Variants in SERTAD4 observed in about 807,000 individuals in gnomAD.
SERTAD4 encodes the protein SERTA domain containing 4.
SERTAD4 carries 18 observed loss-of-function variants against 32.9 expected under a neutral mutation model. That is an observed-to-expected ratio of 0.55 (90% CI 0.38 to 0.81). The LOEUF is 0.81. Ranked by LOEUF, SERTAD4 falls within the 30% of genes least tolerant of loss-of-function variation. The probability of loss-of-function intolerance (pLI) is 0.00; values close to 1 mark genes in which losing one functional copy is unlikely to be tolerated. For synonymous variants in SERTAD4, 150 were observed against 156.4 expected (o/e 0.96, Z 0.30); for missense variants, 383 against 426.0 (o/e 0.90, Z 0.89).
In SERTAD4 at chr1:210,239,557, G is replaced by A. The variant is rs772181379; in HGVS notation, c.240G>A (p.Lys80=). The change falls in exon 3 of 4, where the codon AAG becomes AAA. Residue 80 remains lysine (K), a synonymous_variant. Transcript: ENST00000367012. ...TTSKITYFKR[K]YVEEEDFHPP... is the part of the protein sequence containing the mutation. ...CCAAGATCACATACTTTAAGAGGAA[G>A]TATGTGGAAGAAGAGGATTTTCACC... 5 of 1,609,304 alleles carry A rather than the reference G, an allele frequency of 3.1e-6. No individual in the cohort carries two copies. The highest frequency in any genetic ancestry group is 4.2e-6 in the Non-Finnish European group (5 of 1,177,932).
At chr1:210,233,890 GC>G (rs2083912405) in intron 1 of SERTAD4, 3 of 452,578 alleles carry the variant, frequency 6.6e-6, no homozygotes, top group African/African-American at 4.1e-5. Context: ...GAGCGCGGGG[GC>G]CCGGGCCAGC....
At chr1:210,233,972 G>A (rs1469854295) in intron 1 of SERTAD4, 7 of 376,034 alleles carry the variant, frequency 1.9e-5, no homozygotes, top group African/African-American at 5.0e-5. Context: ...ATTTCCCTTA[G>A]AAGGAAACTT....
At chr1:210,235,370 T>G (rs1394934643) in intron 1 of SERTAD4, among the ~76,000 whole-genome samples, 1 of 152,174 alleles carries the variant, frequency 6.6e-6, no homozygotes, top group African/African-American at 2.4e-5. Context: ...TTTGTTAACA[T>G]CCAGTGTAAG....
rs1490804672 is a variant in SERTAD4, at chr1:210,238,120, G to A, written c.160G>A (p.Gly54Ser). The A allele has an allele frequency of 1.2e-6, 2 of 1,607,024 alleles. No homozygotes were observed. Among genetic ancestry groups the A allele is most frequent in the African/African-American group, 1.3e-5 (1 of 74,458 alleles). The change falls in exon 2 of 4, where the codon GGT (glycine) becomes AGT (serine). Residue 54 changes from glycine to serine, a missense_variant. Physicochemically the swap from Gly to Ser is moderately conservative, Grantham distance 56. Transcript: ENST00000367012. Reference sequence around the variant, plus strand: ...TCCTTTGCAGGGAGACCGGGGAGCTGGTCCCCCACTGGCAGGTATTGCCCT... The same window carrying A: ...TCCTTTGCAGGGAGACCGGGGAGCTAGTCCCCCACTGGCAGGTATTGCCCT... The part of the protein sequence containing the change: ...QAPLQGDRGA[G>S]PPLAGSHYRG...
intron 3 of SERTAD4, among the ~76,000 whole-genome samples, chr1:210,239,914 T>C (rs994034162): frequency 2.0e-5 from 3 of 152,292 alleles, no homozygotes; most frequent in Non-Finnish European, 4.4e-5. Context: ...TTCCACACTT[T>C]TGTGTGTGGG....
At chr1:210,233,657 T>C (rs2083908563) in intron 1 of SERTAD4, 2 of 469,232 alleles carry the variant, frequency 4.3e-6, no homozygotes, top group South Asian at 3.1e-5. Context: ...CTGAGGCTGC[T>C]GCCCGCCTGG....
At chr1:210,240,266 T>G (rs2083981657) in intron 3 of SERTAD4, among the ~76,000 whole-genome samples, 1 of 152,188 alleles carries the variant, frequency 6.6e-6, no homozygotes, top group Non-Finnish European at 1.5e-5. Flanking sequence ...TCATTTTTCT[T>G]TAGAGTTACC....
downstream of SERTAD4, chr1:210,246,460 G>A: frequency 1.1e-5 from 6 of 541,264 alleles, no homozygotes; most frequent in Non-Finnish European, 1.4e-5. Flanking sequence ...AAAGATGTAA[G>A]TTATGAACAC....
chr1:210,234,269 C>T (rs2083918757), intron 1 of SERTAD4, among the ~76,000 whole-genome samples: 1 of 151,878 alleles, frequency 6.6e-6, no homozygotes, highest in African/African-American at 2.4e-5. Flanking sequence ...GCCCTCCAAA[C>T]CTCGGACCCC....
chr1:210,240,865 A>G (rs2083988146), intron 3 of SERTAD4, among the ~76,000 whole-genome samples: 2 of 152,224 alleles, frequency 1.3e-5, no homozygotes, highest in South Asian at 4.1e-4. Flanking sequence ...CAAAGGATTA[A>G]AAGAGGGACA....
In SERTAD4 at chr1:210,245,748, G is replaced by A. The variant is rs2084042947; in HGVS notation, c.*3411G>A. On this transcript the variant is annotated 3_prime_UTR_variant, in exon 4 of 4. Coordinates refer to ENST00000367012, the MANE Select transcript of SERTAD4 (RefSeq NM_019605.5). ...CAAGACATGGCTACCCACCCCTCCA[G>A]TTATGAACTTGTATTACAGCTCCAC... 1 of 958,630 alleles carries A rather than the reference G, an allele frequency of 1.0e-6. No individual in the cohort carries two copies. The highest frequency in any genetic ancestry group is 1.2e-6 in the Non-Finnish European group (1 of 805,778). The allele number at this position is 958,630 out of a possible 1,614,324, so 59.4% of individuals were successfully genotyped here.
At chr1:210,233,835 G>C (rs1177468641) in intron 1 of SERTAD4, 1 of 469,166 alleles carries the variant, frequency 2.1e-6, no homozygotes, top group Non-Finnish European at 4.4e-6. Flanking sequence ...GGGTTTGGCC[G>C]GCAAGGGAGG....
rs1428315131 is a variant in SERTAD4, at chr1:210,243,822, T to C, written c.*1485T>C. On this transcript the variant is annotated 3_prime_UTR_variant, in exon 4 of 4. Coordinates refer to ENST00000367012, the MANE Select transcript of SERTAD4 (RefSeq NM_019605.5). ...GAAATAAGTAAGCCCTCCCAGTTTCTCCAAGATAAAGCTTTTTTTATTATT... is the reference window on the plus strand; with the variant it reads ...GAAATAAGTAAGCCCTCCCAGTTTCCCCAAGATAAAGCTTTTTTTATTATT... The C allele has an allele frequency of 1.3e-5, 2 of 152,180 alleles. No homozygotes were observed. Among genetic ancestry groups the C allele is most frequent in the Non-Finnish European group, 2.9e-5 (2 of 68,042 alleles). 9.4% of individuals were successfully genotyped at this position (152,180 alleles called of 1,614,324 possible).
chr1:210,239,665 T>C (rs1347741302), intron 3 of SERTAD4, 57 bp downstream of exon 3: 3 of 976,534 alleles, frequency 3.1e-6, no homozygotes, highest in Non-Finnish European at 4.7e-6. Context: ...TTAGTAACAG[T>C]TGCTTGATCC....
downstream of SERTAD4, chr1:210,246,477 C>A (rs985192831): frequency 1.6e-5 from 11 of 672,320 alleles, no homozygotes; most frequent in African/African-American, 2.2e-4. Context: ...ACACTTGAAT[C>A]TCGCATCCTG....
At chr1:210,241,526 G>GT (rs67121079) in intron 3 of SERTAD4, 32 bp from the exon 4 acceptor site, 518,693 of 1,417,430 alleles carry the variant, frequency 0.37, 51,181 homozygotes, top group African/African-American at 0.61. Flanking sequence ...TTTTCTGTTT[G>GT]TTTTTTTCTT....
intron 1 of SERTAD4, chr1:210,233,603 G>GGGC (rs1364601953): frequency 1.3e-5 from 6 of 453,706 alleles, no homozygotes; most frequent in Non-Finnish European, 2.7e-5. Flanking sequence ...GCTGCGCTGC[G>GGGC]GGCGGCGGCG....
At chr1:210,238,216 G>A in intron 2 of SERTAD4, 81 bp downstream of exon 2, 1 of 878,846 alleles carries the variant, frequency 1.1e-6, no homozygotes, top group East Asian at 2.5e-5. Flanking sequence ...GGTGGTGTCT[G>A]GGGTGCCCCT....
In SERTAD4 at chr1:210,241,725, C is replaced by T. The variant is rs759464948; in HGVS notation, c.459C>T (p.Ala153=). The T allele has an allele frequency of 6.8e-6, 11 of 1,613,982 alleles. No individual in the cohort carries two copies. Among genetic ancestry groups the T allele is most frequent in the Non-Finnish European group, 9.3e-6 (11 of 1,180,036 alleles). ...IIMQNNWCFP[A]CSFNGTSAQE... ...TGCAGAATAACTGGTGCTTCCCTGCCTGCTCTTTCAATGGCACCTCTGCCC... is the reference window on the plus strand; with the variant it reads ...TGCAGAATAACTGGTGCTTCCCTGCTTGCTCTTTCAATGGCACCTCTGCCC... Residue 153 remains alanine, a synonymous_variant, in exon 4 of 4, where the codon GCC becomes GCT. Coordinates refer to ENST00000367012, the MANE Select transcript of SERTAD4 (RefSeq NM_019605.5).
Sources: gnomAD v4.1 joint callset for allele counts (sites outside exome capture counted in the v4.1 genomes callset) on GRCh38, gnomAD v4.1.1 for gene constraint, MANE v1.5 for transcripts, NCBI Gene and HGNC (gene_info 2026-07-23, HGNC 2026-07-21) for gene names.